Variants in SORCS1 observed in about 807,000 individuals in gnomAD.
SORCS1 encodes VPS10 domain-containing receptor SorCS1.
Under a neutral mutation model 146.1 loss-of-function variants are expected in SORCS1, and 60 were observed. That is an observed-to-expected ratio of 0.41 (90% CI 0.33 to 0.51). The LOEUF is 0.51. SORCS1 is among the 20% of genes least tolerant of loss of function. The pLI, the probability that SORCS1 is intolerant of heterozygous loss-of-function variation, is 0.21. For missense variants in SORCS1, 1,352 were observed against 1,487.6 expected, an observed-to-expected ratio of 0.91 and a Z score of 1.50; for synonymous variants, 637 against 584.0, an observed-to-expected ratio of 1.09 and a Z score of -1.31.
intron 1 of SORCS1, among the ~76,000 whole-genome samples, chr10:107,000,826 TA>T (rs778428638): frequency 2.0e-5 from 3 of 151,906 alleles, no homozygotes; most frequent in Non-Finnish European, 2.9e-5. Flanking sequence ...AGTGTGAGAC[TA>T]GGGGTGAGGG....
chr10:106,727,838 T>G (rs1028487094), intron 6 of SORCS1, among the ~76,000 whole-genome samples: 3 of 152,136 alleles, frequency 2.0e-5, no homozygotes, highest in Non-Finnish European at 4.4e-5. Context: ...GAAAACAGCA[T>G]GTACCAAGGC....
chr10:106,686,248 G>A lies in SORCS1; in HGVS notation c.1560+1944C>T, dbSNP rs192478003. Among the ~76,000 whole-genome samples, 221 of 152,266 alleles carry A rather than the reference G, an allele frequency of 1.5e-3. 1 individual carries two copies. Among genetic ancestry groups the A allele is most frequent in the Non-Finnish European group, 2.1e-3 (142 of 68,026 alleles). On this transcript the variant is annotated intron_variant, in intron 10 of 25. Transcript: ENST00000263054. ...ATTAGGGCAGTCCCAGTGGTGATGG[G>A]GAAGTAAGCTGATATTACATTTATA...
Position 106,717,275 on chromosome 10 carries a change from T to G in SORCS1, c.1025-7934A>C, listed in dbSNP as rs906803138. On this transcript the variant is annotated intron_variant, in intron 6 of 25. Transcript: ENST00000263054. ...ATTTTGAAACTTCTGTATTAAATGT[T>G]CTCACTCATCACGCACGCACACACG... Among the ~76,000 whole-genome samples, 19 of 152,236 alleles carry G rather than the reference T, an allele frequency of 1.2e-4. 1 individual carries two copies. Among genetic ancestry groups the G allele is most frequent in the Non-Finnish European group, 2.8e-4 (19 of 68,048 alleles).
chr10:107,172,802 A>G, the SORCS1 span, among the ~76,000 whole-genome samples: 1 of 152,236 alleles, frequency 6.6e-6, no homozygotes, highest in African/African-American at 2.4e-5. Context: ...ACTTGAATCA[A>G]TGAATATGGC....
At chr10:106,611,132 G>T (rs754140343) in intron 22 of SORCS1, among the ~76,000 whole-genome samples, 2 of 151,726 alleles carry the variant, frequency 1.3e-5, no homozygotes, top group East Asian at 3.9e-4. Flanking sequence ...CCTAAAAGAA[G>T]GTGTCTTCTC....
Position 107,155,951 on chromosome 10 carries a change from C to T in SORCS1, c.558+8018G>A, listed in dbSNP as rs796280231. Among the ~76,000 whole-genome samples the T allele has an allele frequency of 3.3e-5, 5 of 152,174 alleles. No homozygotes were observed. The South Asian group carries it at 1.0e-3, about 32-fold the overall frequency. The stretch of plus-strand genomic sequence containing the variant: ...GGGAGAAACCAAACAGCACATCCCA[C>T]ACATCTTCCCAGGATAACAAGATGA... On this transcript the variant is annotated intron_variant, in intron 1 of 25. Coordinates refer to ENST00000263054, the MANE Select transcript of SORCS1 (RefSeq NM_052918.5).
At chr10:106,967,307 T>G (rs1955541412) in intron 1 of SORCS1, among the ~76,000 whole-genome samples, 1 of 151,902 alleles carries the variant, frequency 6.6e-6, no homozygotes, top group African/African-American at 2.4e-5. Context: ...ATATTCTTCT[T>G]CCTCTTGGTA....
chr10:106,908,498 T>G (rs1952009144), intron 2 of SORCS1, among the ~76,000 whole-genome samples: 1 of 152,202 alleles, frequency 6.6e-6, no homozygotes, highest in African/African-American at 2.4e-5. Flanking sequence ...ATGAATGACT[T>G]CTGTCCCCTC....
At chr10:106,983,804 C>G (rs1424618523) in intron 1 of SORCS1, among the ~76,000 whole-genome samples, 1 of 152,140 alleles carries the variant, frequency 6.6e-6, no homozygotes, top group Non-Finnish European at 1.5e-5. Context: ...AAGAGCAGCA[C>G]CAGCAAAACT....
chr10:107,171,514 C>CTTTT, the SORCS1 span, among the ~76,000 whole-genome samples: 2,980 of 117,118 alleles, frequency 0.025, 60 homozygotes, highest in Non-Finnish European at 0.035. Context: ...GGGAATCCCC[C>CTTTT]TTTTTTTTTT....
At chr10:106,739,153 A>G (rs1857175342) in intron 5 of SORCS1, among the ~76,000 whole-genome samples, 1 of 152,160 alleles carries the variant, frequency 6.6e-6, no homozygotes, top group African/African-American at 2.4e-5. Context: ...TTCAGAGAAG[A>G]AAGTCCAGAG....
intron 19 of SORCS1, among the ~76,000 whole-genome samples, chr10:106,621,845 C>A (rs1442415946): frequency 6.6e-6 from 1 of 152,180 alleles, no homozygotes; most frequent in African/African-American, 2.4e-5. Context: ...CGCCCTGGTT[C>A]ATACTCTAAG....
At chr10:106,641,709 T>C (rs547950792) in intron 18 of SORCS1, among the ~76,000 whole-genome samples, 1 of 152,326 alleles carries the variant, frequency 6.6e-6, no homozygotes, top group African/African-American at 2.4e-5. Context: ...AGGAGTGACA[T>C]GATTCTTACC....
chr10:106,661,697 A>C (rs186132012), intron 17 of SORCS1, among the ~76,000 whole-genome samples: 126 of 152,376 alleles, frequency 8.3e-4, no homozygotes, highest in Non-Finnish European at 1.2e-3. Context: ...TTAAGGAACT[A>C]AGGTCAAGGA....
At chr10:106,663,953 C>T (rs1007203328) in intron 17 of SORCS1, among the ~76,000 whole-genome samples, 39 of 152,214 alleles carry the variant, frequency 2.6e-4, no homozygotes, top group African/African-American at 7.2e-4. Context: ...TTACCATACC[C>T]GCTGATGGCT....
intron 17 of SORCS1, 38 bp from the exon 18 acceptor site, chr10:106,652,591 T>G (rs1849956739): frequency 6.3e-7 from 1 of 1,599,760 alleles, no homozygotes. Context: ...ACCAGCTCAT[T>G]ATAATGTGAA....
chr10:106,632,312 A>C (rs552683034), intron 18 of SORCS1, among the ~76,000 whole-genome samples: 17 of 152,320 alleles, frequency 1.1e-4, no homozygotes, highest in African/African-American at 4.1e-4. Flanking sequence ...TTTCCACTAA[A>C]GGTGAACAAA....
chr10:107,055,505 G>T (rs959230724), intron 1 of SORCS1, among the ~76,000 whole-genome samples: 3 of 152,230 alleles, frequency 2.0e-5, no homozygotes, highest in African/African-American at 7.2e-5. Context: ...AGCCAGTCTT[G>T]TATTTTTACC....
intron 1 of SORCS1, among the ~76,000 whole-genome samples, chr10:107,021,043 A>G (rs1357351079): frequency 6.6e-6 from 1 of 152,052 alleles, no homozygotes; most frequent in African/African-American, 2.4e-5. Context: ...TATTCCTGAT[A>G]TTTTGCATAC....
Sources: allele counts gnomAD v4.1 joint callset (sites outside exome capture counted in the v4.1 genomes callset), GRCh38; gene constraint gnomAD v4.1.1; transcripts MANE v1.5; gene names NCBI Gene and HGNC (gene_info 2026-07-23, HGNC 2026-07-21).